FCAMR: variants seen among roughly 807,000 people sequenced by gnomAD.
FCAMR encodes Fc alpha and mu receptor, also known as high affinity immunoglobulin alpha and immunoglobulin mu Fc receptor.
In FCAMR, 51 loss-of-function variants were observed where a neutral mutation model predicts 52.2. That is an observed-to-expected ratio of 0.98 (90% confidence interval 0.78 to 1.23). The LOEUF is 1.23. Among genes scored for constraint, FCAMR ranks in the 50% most tolerant of loss-of-function variants. FCAMR has a pLI of 0.00. For synonymous variants in FCAMR, 282 were observed against 262.0 expected (o/e 1.08, Z -0.74); for missense variants, 719 against 712.6 (o/e 1.01, Z -0.10).
chr1:206,962,346 T>C lies in FCAMR; in HGVS notation c.519A>G (p.Thr173=), dbSNP rs939132718. The change falls in exon 5 of 8, where the codon ACA becomes ACG. Residue 173 remains threonine, a synonymous_variant. Transcript: ENST00000324852. ...HHRYRDRVAL[T]DFPQRGLFVV... ...CAAACAAGCCTCTCTGTGGAAAGTC[T>C]GTGAGGGCCACACGGTCACGATAGC... 1.9e-6 allele frequency: 3 copies of C among 1,614,126 alleles called. No individual in the cohort carries two copies. Among genetic ancestry groups the C allele is most frequent in the Middle Eastern group, 1.6e-4 (1 of 6,084 alleles).
chr1:206,963,885 A>G (rs778521885), intron 4 of FCAMR, among the ~76,000 whole-genome samples: 9 of 152,118 alleles, frequency 5.9e-5, no homozygotes, highest in Non-Finnish European at 1.0e-4. Flanking sequence ...TCTGCTGGCC[A>G]TTAGTGGCCA....
At position 206,958,314 on chromosome 1, in the gene FCAMR, A is replaced by G. The variant is rs1680328502; in HGVS notation, c.*202T>C. On this transcript the variant is annotated 3_prime_UTR_variant, in exon 8 of 8. Transcript: ENST00000324852. ...CTGTTCTTGAAGTCTCCTTTGAGTC[A>G]TCTTGTCACCTTTGGACGTGGATAA... is the stretch of plus-strand genomic sequence containing the variant. 5.1e-6 allele frequency: 3 copies of G among 584,554 alleles called. No individual in the cohort carries two copies. The highest frequency in any genetic ancestry group is 2.4e-5 in the South Asian group (1 of 42,214). 36.2% of individuals were successfully genotyped at this position (584,554 alleles called of 1,614,324 possible). A position where few individuals can be genotyped will look rare whatever the true frequency, so the allele number is the denominator to read the frequency against.
chr1:206,959,812 G>A lies in FCAMR; in HGVS notation c.1455-15C>T, dbSNP rs1362184211. 6.3e-7 allele frequency: 1 copy of A among 1,589,844 alleles called. No homozygotes were observed. The highest frequency in any genetic ancestry group is 2.2e-5 in the East Asian group (1 of 44,736). On this transcript the variant is annotated splice_polypyrimidine_tract_variant and intron_variant, in intron 6 of 7. Transcript: ENST00000324852. ...CTGGAAAAGTACTACAGTGGGGGTG[G>A]AAAGAGCACAGGGGAGAGGAGGTTG...
chr1:206,962,399 C>G lies in FCAMR; in HGVS notation c.466G>C (p.Val156Leu). 1 of 1,614,190 alleles carries G rather than the reference C, an allele frequency of 6.2e-7. No individual in the cohort carries two copies. Among genetic ancestry groups the G allele is most frequent in the South Asian group, 1.1e-5 (1 of 91,080 alleles). ...GPPRWICQTI[V>L]STNQYTHHRY... is the part of the protein sequence containing the mutation. ...TGGTGAGTATACTGGTTGGTGGACA[C>G]AATGGTCTGGCAGATCCATCTTGGG... Residue 156 changes from valine to leucine, a missense_variant, in exon 5 of 8, where the codon GTG becomes CTG. Transcript: ENST00000324852.
chr1:206,959,681 GTCC>G lies in FCAMR; in HGVS notation c.1568_1570del (p.Arg523del). The G allele has an allele frequency of 6.2e-7, 1 of 1,613,060 alleles. No individual in the cohort carries two copies. Among genetic ancestry groups the G allele is most frequent in the Non-Finnish European group, 8.5e-7 (1 of 1,179,182 alleles). On this transcript the variant is annotated inframe_deletion, in exon 7 of 8. Transcript: ENST00000324852. ...AGCCTTGGGGCTACTCAACTCACAGGTCCTCCTTCTCCAGAGCTTCCTTTGCAA... is the reference window on the plus strand; with the variant it reads ...AGCCTTGGGGCTACTCAACTCACAGGTCCTTCTCCAGAGCTTCCTTTGCAA...
At chr1:206,966,489 G>A (rs563058048) in intron 3 of FCAMR, among the ~76,000 whole-genome samples, 3 of 152,286 alleles carry the variant, frequency 2.0e-5, no homozygotes, top group Admixed American at 2.0e-4. Flanking sequence ...GGGTTCAAGC[G>A]ATTCTTCTGC....
intron 5 of FCAMR, 121 bp downstream of exon 5, chr1:206,962,092 A>G: frequency 1.0e-6 from 1 of 983,698 alleles, no homozygotes. Context: ...GCCTTGCCCC[A>G]GCTTTTCATT....
chr1:206,958,570 G>A lies in FCAMR; in HGVS notation c.1680C>T (p.Asp560=). 2 of 1,613,664 alleles carry A rather than the reference G, an allele frequency of 1.2e-6. No individual in the cohort carries two copies. Among genetic ancestry groups the A allele is most frequent in the Admixed American group, 1.7e-5 (1 of 60,030 alleles). ...TCAGGCTGGCCCCAGCAGGAAGAGA[G>A]TCATCCTGGAGCATCTTTCTTTCCA... The part of the protein sequence containing the change: ...PHVERKMLQD[D]SLPAGASLTA... The change falls in exon 8 of 8, where the codon GAC becomes GAT. Residue 560 remains aspartate, a synonymous_variant. Coordinates refer to ENST00000324852, the MANE Select transcript of FCAMR (RefSeq NM_001170631.2).
intron 2 of FCAMR, among the ~76,000 whole-genome samples, 176 bp from the exon 3 acceptor site, chr1:206,967,288 T>A (rs1249111955): frequency 6.6e-6 from 1 of 152,152 alleles, no homozygotes; most frequent in Non-Finnish European, 1.5e-5. Context: ...CATGACTTTA[T>A]CCTCACACTC....
chr1:206,967,761 C>G (rs761970829), intron 1 of FCAMR, 110 bp from the exon 2 acceptor site: 1 of 966,848 alleles, frequency 1.0e-6, no homozygotes, highest in Non-Finnish European at 1.6e-6. Flanking sequence ...CCAAGTAGCT[C>G]TCTGCACTAG....
Position 206,958,428 on chromosome 1 carries a change from G to A in FCAMR, c.*88C>T. 7.3e-7 allele frequency: 1 copy of A among 1,378,292 alleles called. No homozygotes were observed. Among genetic ancestry groups the A allele is most frequent in the Non-Finnish European group, 9.7e-7 (1 of 1,027,200 alleles). The allele number at this position is 1,378,292 out of a possible 1,614,324, so 85.4% of individuals were successfully genotyped here. A position where few individuals can be genotyped will look rare whatever the true frequency, so the allele number is the denominator to read the frequency against. On this transcript the variant is annotated 3_prime_UTR_variant, in exon 8 of 8. Transcript: ENST00000324852. ...TCAGCTTCTCTTCCCACAGGTGGAGGAAGGATGATGGAAAGAGGCTGGGGT... is the reference window on the plus strand; with the variant it reads ...TCAGCTTCTCTTCCCACAGGTGGAGAAAGGATGATGGAAAGAGGCTGGGGT...
rs1680344164 is a variant in FCAMR, at chr1:206,958,398, C to G, written c.*118G>C. The G allele has an allele frequency of 8.5e-7, 1 of 1,173,870 alleles. No homozygotes were observed. The highest frequency in any genetic ancestry group is 1.6e-5 in the African/African-American group (1 of 63,962). The allele number at this position is 1,173,870 out of a possible 1,614,324, so 72.7% of individuals were successfully genotyped here. On this transcript the variant is annotated 3_prime_UTR_variant, in exon 8 of 8. Transcript: ENST00000324852. The stretch of plus-strand genomic sequence containing the variant: ...CTTTCTTCCATGGGTGGAGCACCGG[C>G]TGCATCAGCTTCTCTTCCCACAGGT...
intron 3 of FCAMR, 49 bp downstream of exon 3, chr1:206,967,003 T>A: frequency 6.2e-7 from 1 of 1,600,418 alleles, no homozygotes; most frequent in Non-Finnish European, 8.6e-7. Context: ...CCTGGAAGAC[T>A]CAGGTCTGGT....
At chr1:206,958,801 C>A in intron 7 of FCAMR, 125 bp from the exon 8 acceptor site, 1 of 1,317,656 alleles carries the variant, frequency 7.6e-7, no homozygotes, top group Non-Finnish European at 1.1e-6. Context: ...CAATGGAGCC[C>A]TAGTTGGCTA....
intron 7 of FCAMR, 108 bp downstream of exon 7, chr1:206,959,571 G>C: frequency 2.6e-6 from 2 of 767,702 alleles, no homozygotes; most frequent in South Asian, 1.6e-5. Context: ...CTAGAATTTA[G>C]CTCTTCTACA....
rs539751187 is a variant in FCAMR, at chr1:206,960,778, A to G, written c.1098T>C (p.Leu366=). ...TTCCTAGGACCTTTTTGGCTGCATC[A>G]AGAGCTATCCTGACCCCCTCTATGT... is the stretch of plus-strand genomic sequence containing the variant. ...REDIEGVRIA[L]DAAKKVLGTI... The change falls in exon 6 of 8, where the codon CTT becomes CTC. Residue 366 remains leucine, a synonymous_variant. Coordinates refer to ENST00000324852, the MANE Select transcript of FCAMR (RefSeq NM_001170631.2). 151 of 1,552,376 alleles carry G rather than the reference A, an allele frequency of 9.7e-5. No individual in the cohort carries two copies. In the East Asian group the frequency reaches 1.6e-3, roughly 16 times the overall value.
rs563749184 is a variant in FCAMR at position 206,968,054 on chromosome 1, T to C, written c.40-403A>G. ...CGCTTGCTGATGAAAAAGACAGAGA[T>C]TGTGGCCGGGCACAGTGGCTCATGC... On this transcript the variant is annotated intron_variant, in intron 1 of 7. Coordinates refer to ENST00000324852, the MANE Select transcript of FCAMR (RefSeq NM_001170631.2). 2.6e-5 allele frequency among the ~76,000 whole-genome samples: 4 copies of C among 152,324 alleles called. No individual in the cohort carries two copies. The South Asian group carries it at 6.2e-4, about 24-fold the overall frequency.
chr1:206,962,143 G>C, intron 5 of FCAMR, 70 bp downstream of exon 5: 1 of 1,487,484 alleles, frequency 6.7e-7, no homozygotes, highest in Non-Finnish European at 9.2e-7. Context: ...GGTCTCTGAG[G>C]CTTCTCTCCC....
chr1:206,962,898 A>ACACT (rs930410612), intron 4 of FCAMR, among the ~76,000 whole-genome samples: 2 of 152,234 alleles, frequency 1.3e-5, no homozygotes, highest in Non-Finnish European at 2.9e-5. Context: ...GCAACATCTG[A>ACACT]CACTCACTCA....
Sources: gnomAD v4.1 joint callset for allele counts (sites outside exome capture counted in the v4.1 genomes callset) on GRCh38, gnomAD v4.1.1 for gene constraint, MANE v1.5 for transcripts, NCBI Gene and HGNC (gene_info 2026-07-23, HGNC 2026-07-21) for gene names.